Variants in AUH observed in about 807,000 individuals in gnomAD.
The protein encoded by AUH is methylglutaconyl-CoA hydratase, mitochondrial.
A neutral mutation model predicts 42.3 loss-of-function variants in AUH; 29 were observed. The observed-to-expected ratio is 0.69, with a 90% CI of 0.51 to 0.93. AUH has a LOEUF of 0.93. AUH is among the 40% of genes least tolerant of loss of function. The probability of loss-of-function intolerance (pLI) is 0.00; values close to 1 mark genes in which losing one functional copy is unlikely to be tolerated. For missense variants in AUH, 452 were observed against 438.1 expected, an observed-to-expected ratio of 1.03 and a Z score of -0.28; for synonymous variants, 174 against 166.4, an observed-to-expected ratio of 1.05 and a Z score of -0.35.
chr9:91,223,676 A>G (rs1474513724), intron 6 of AUH, among the ~76,000 whole-genome samples: 1 of 152,174 alleles, frequency 6.6e-6, no homozygotes, highest in East Asian at 1.9e-4. Flanking sequence ...ACCATTTTAC[A>G]TTCCTACCAA....
chr9:91,239,755 A>ATG (rs1554693155), intron 6 of AUH, among the ~76,000 whole-genome samples: 21 of 152,202 alleles, frequency 1.4e-4, no homozygotes, highest in Admixed American at 1.4e-3. Context: ...GCACACACAC[A>ATG]CATGCACACA....
intron 3 of AUH, among the ~76,000 whole-genome samples, chr9:91,341,437 C>T (rs1831093330): frequency 6.6e-6 from 1 of 152,198 alleles, no homozygotes; most frequent in Non-Finnish European, 1.5e-5. Context: ...ACAGGTTTAA[C>T]GGTAAGTCAT....
At chr9:91,241,879 T>C (rs559974937) in intron 6 of AUH, among the ~76,000 whole-genome samples, 11 of 152,244 alleles carry the variant, frequency 7.2e-5, no homozygotes, top group Non-Finnish European at 1.6e-4. Context: ...GCATAAACCA[T>C]GTAGTCTGTT....
chr9:91,283,318 A>C (rs1418032869), intron 6 of AUH, among the ~76,000 whole-genome samples: 1 of 152,204 alleles, frequency 6.6e-6, no homozygotes, highest in Non-Finnish European at 1.5e-5. Flanking sequence ...ATCTCAAAAT[A>C]ATAAGAGCTA....
chr9:91,307,110 A>T (rs1030695419), intron 4 of AUH, among the ~76,000 whole-genome samples: 2 of 152,238 alleles, frequency 1.3e-5, no homozygotes, highest in African/African-American at 4.8e-5. Context: ...AGAAAGAGAC[A>T]GCAAACGGCC....
chr9:91,280,484 T>C (rs901169564), intron 6 of AUH, among the ~76,000 whole-genome samples: 8 of 152,146 alleles, frequency 5.3e-5, no homozygotes, highest in African/African-American at 1.9e-4. Flanking sequence ...TGACATAAAT[T>C]TGAGGTTATA....
At chr9:91,305,471 T>C (rs1828137827) in intron 4 of AUH, among the ~76,000 whole-genome samples, 1 of 152,148 alleles carries the variant, frequency 6.6e-6, no homozygotes, top group Non-Finnish European at 1.5e-5. Flanking sequence ...CCACATACCA[T>C]GTTGAATGAT....
intron 4 of AUH, among the ~76,000 whole-genome samples, chr9:91,314,109 C>T (rs10991879): frequency 0.071 from 10,853 of 152,070 alleles, 664 homozygotes; most frequent in East Asian, 0.26. Context: ...CAGGCATGAG[C>T]CACTGTGCCT....
intron 4 of AUH, among the ~76,000 whole-genome samples, chr9:91,315,751 CCACT>C (rs1564093581): frequency 6.6e-6 from 1 of 152,148 alleles, no homozygotes; most frequent in Non-Finnish European, 1.5e-5. Flanking sequence ...AACACAATCA[CCACT>C]CAAAGCTAGA....
At chr9:91,324,101 T>C (rs1829794074) in intron 4 of AUH, among the ~76,000 whole-genome samples, 1 of 152,162 alleles carries the variant, frequency 6.6e-6, no homozygotes, top group Admixed American at 6.5e-5. Flanking sequence ...TAGAGGACAA[T>C]ATCTATAACA....
At chr9:91,327,718 A>G (rs1830053609) in intron 3 of AUH, among the ~76,000 whole-genome samples, 1 of 152,210 alleles carries the variant, frequency 6.6e-6, no homozygotes, top group Admixed American at 6.5e-5. Flanking sequence ...GTGCAACGGG[A>G]ATAAAAGAGC....
intron 6 of AUH, among the ~76,000 whole-genome samples, chr9:91,253,789 A>G (rs968511022): frequency 1.3e-5 from 2 of 152,246 alleles, no homozygotes; most frequent in Admixed American, 1.3e-4. Context: ...TATCAAGGTT[A>G]TCTAAATATA....
At chr9:91,221,604 T>C (rs751024378) in intron 6 of AUH, among the ~76,000 whole-genome samples, 4 of 152,158 alleles carry the variant, frequency 2.6e-5, no homozygotes, top group Non-Finnish European at 4.4e-5. Flanking sequence ...ACACCCCTTT[T>C]CCAGCTGGTG....
intron 3 of AUH, among the ~76,000 whole-genome samples, chr9:91,345,693 C>A (rs369573464): frequency 1.3e-5 from 2 of 151,832 alleles, no homozygotes; most frequent in Non-Finnish European, 2.9e-5. Context: ...ATTAGCCGGG[C>A]GTGGTGGCGA....
intron 6 of AUH, among the ~76,000 whole-genome samples, chr9:91,288,071 G>A (rs960059841): frequency 5.3e-5 from 8 of 151,966 alleles, no homozygotes; most frequent in African/African-American, 1.9e-4. Flanking sequence ...AATAAAAAAG[G>A]AATTCACAGA....
rs78739693 is a variant in AUH, at chr9:91,216,074, T to C, written c.927A>G (p.Glu309=). 1,128 of 1,612,952 alleles carry C rather than the reference T, an allele frequency of 7.0e-4. 11 individuals carry two copies. In the African/African-American group the frequency reaches 0.013, roughly 19 times the overall value. The part of the protein sequence containing the change: ...VDLVTGLAIE[E]ACYAQTIPTK... ...CATTACATACCTGAGCATAACAAGC[T>C]TCTTCTATGGCTAACCCTGTTACTA... Residue 309 remains glutamate, a synonymous_variant, in exon 9 of 10, where the codon GAA becomes GAG. Coordinates refer to ENST00000375731, the MANE Select transcript of AUH (RefSeq NM_001698.3).
chr9:91,297,728 G>A (rs1172228356), intron 5 of AUH, among the ~76,000 whole-genome samples: 1 of 151,974 alleles, frequency 6.6e-6, no homozygotes, highest in Non-Finnish European at 1.5e-5. Flanking sequence ...AAAGTGCTGG[G>A]ATTAGAGGTG....
At chr9:91,347,067 C>CAAAAA (rs1831567559) in intron 3 of AUH, among the ~76,000 whole-genome samples, 1 of 151,968 alleles carries the variant, frequency 6.6e-6, no homozygotes, top group Non-Finnish European at 1.5e-5. Flanking sequence ...GACAGGGTCT[C>CAAAAA]ACTTTGTCAC....
At chr9:91,231,039 A>G (rs1015397399) in intron 6 of AUH, among the ~76,000 whole-genome samples, 2 of 152,214 alleles carry the variant, frequency 1.3e-5, no homozygotes, top group Non-Finnish European at 2.9e-5. Flanking sequence ...TGGAGCCTAC[A>G]GAGGCACGCA....
Sources: gnomAD v4.1 joint callset for allele counts (sites outside exome capture counted in the v4.1 genomes callset) on GRCh38, gnomAD v4.1.1 for gene constraint, MANE v1.5 for transcripts, NCBI Gene and HGNC (gene_info 2026-07-23, HGNC 2026-07-21) for gene names.